Variants in TTC28 observed in about 807,000 individuals in gnomAD.
TTC28 encodes tetratricopeptide repeat domain 28.
A neutral mutation model predicts 198.0 loss-of-function variants in TTC28; 61 were observed. The observed-to-expected ratio is 0.31, with a 90% CI of 0.25 to 0.38. The LOEUF (loss-of-function observed/expected upper bound fraction) is 0.38, where lower values mean the gene tolerates loss of function less well. Ranked by LOEUF, TTC28 falls within the 10% of genes least tolerant of loss-of-function variation. The probability of loss-of-function intolerance (pLI) is 1.00; values close to 1 mark genes in which losing one functional copy is unlikely to be tolerated. For synonymous variants in TTC28, 1,171 were observed against 1,297.8 expected (o/e 0.90, Z 2.10); for missense variants, 2,678 against 3,164.0 (o/e 0.85, Z 3.69).
At chr22:28,548,461 T>C (rs1456803512) in intron 2 of TTC28, among the ~76,000 whole-genome samples, 1 of 152,090 alleles carries the variant, frequency 6.6e-6, no homozygotes, top group Non-Finnish European at 1.5e-5. Flanking sequence ...TTTTTTTTAA[T>C]CTAACATCAC....
intron 5 of TTC28, among the ~76,000 whole-genome samples, chr22:28,173,044 A>G (rs1037884985): frequency 6.6e-6 from 1 of 152,274 alleles, no homozygotes; most frequent in East Asian, 1.9e-4. Flanking sequence ...TATGATTGCA[A>G]GACGGCTAGG....
At chr22:28,579,066 G>A (rs1340512138) in intron 2 of TTC28, among the ~76,000 whole-genome samples, 2 of 150,542 alleles carry the variant, frequency 1.3e-5, no homozygotes, top group South Asian at 2.1e-4. Flanking sequence ...GTTTAGTTAC[G>A]TGTATATAGC....
At chr22:28,052,943 C>T (rs1168056373) in intron 12 of TTC28, among the ~76,000 whole-genome samples, 6 of 152,142 alleles carry the variant, frequency 3.9e-5, no homozygotes, top group Non-Finnish European at 5.9e-5. Context: ...TCCTGTGCGA[C>T]GTGAAAGGAC....
intron 2 of TTC28, among the ~76,000 whole-genome samples, chr22:28,564,779 C>T (rs1320378111): frequency 6.7e-6 from 1 of 150,060 alleles, no homozygotes; most frequent in Non-Finnish European, 1.5e-5. Context: ...TCTTACCTGG[C>T]CCCACCTCTG....
chr22:28,493,921 T>C (rs766919326), intron 2 of TTC28, among the ~76,000 whole-genome samples: 5 of 152,186 alleles, frequency 3.3e-5, no homozygotes, highest in South Asian at 2.1e-4. Context: ...AAAGATATTA[T>C]AAAATTTAAA....
chr22:28,038,853 G>T (rs1307403045), intron 12 of TTC28, among the ~76,000 whole-genome samples: 1 of 152,112 alleles, frequency 6.6e-6, no homozygotes, highest in Non-Finnish European at 1.5e-5. Flanking sequence ...TCAAAAAGTG[G>T]GCAAAGCATA....
rs981820411 is a variant in TTC28 at position 28,638,860 on chromosome 22, CTCGCTATA to C, written c.103-9038_103-9031del. ...ATACATTATTGGTAGAAGGGGAGGT[CTCGCTATA>C]TTGCCCAAGCAGGTCTCAAACTCCT... On this transcript the variant is annotated intron_variant, in intron 1 of 22. Transcript: ENST00000397906. Among the ~76,000 whole-genome samples the C allele has an allele frequency of 4.5e-4, 69 of 152,142 alleles. 1 individual carries two copies.
At chr22:28,270,168 G>T (rs1038285394) in intron 5 of TTC28, among the ~76,000 whole-genome samples, 1 of 152,088 alleles carries the variant, frequency 6.6e-6, no homozygotes, top group African/African-American at 2.4e-5. Flanking sequence ...ATCAATGCAC[G>T]TAAGGTATGT....
intron 2 of TTC28, among the ~76,000 whole-genome samples, chr22:28,412,704 T>C (rs543281182): frequency 4.6e-5 from 7 of 152,348 alleles, no homozygotes; most frequent in African/African-American, 1.4e-4. Flanking sequence ...GTACTGTTCT[T>C]ACGTTCATTT....
chr22:28,227,052 G>C (rs1928398409), intron 5 of TTC28, among the ~76,000 whole-genome samples: 1 of 152,084 alleles, frequency 6.6e-6, no homozygotes. Flanking sequence ...AGGTTCTCAA[G>C]TAGCTGGGAC....
chr22:28,117,556 G>A (rs1396186784), intron 6 of TTC28, among the ~76,000 whole-genome samples: 1 of 152,004 alleles, frequency 6.6e-6, no homozygotes, highest in Non-Finnish European at 1.5e-5. Context: ...ACAAAAACCT[G>A]TAAACTTGAA....
chr22:28,061,734 GT>G (rs1178679444), intron 12 of TTC28, among the ~76,000 whole-genome samples: 3 of 152,174 alleles, frequency 2.0e-5, no homozygotes, highest in Non-Finnish European at 4.4e-5. Flanking sequence ...CTTTAAAGTA[GT>G]TTTTTCCAAT....
intron 5 of TTC28, among the ~76,000 whole-genome samples, chr22:28,193,312 G>A (rs1800484596): frequency 6.6e-6 from 1 of 152,154 alleles, no homozygotes. Context: ...GGAACAACCG[G>A]TACCAACCAC....
At chr22:28,027,528 C>G (rs1177223937) in intron 13 of TTC28, among the ~76,000 whole-genome samples, 1 of 152,176 alleles carries the variant, frequency 6.6e-6, no homozygotes, top group Non-Finnish European at 1.5e-5. Flanking sequence ...CACCAAGGAA[C>G]AAAGGGGCCA....
chr22:28,261,363 A>G (rs747387039), intron 5 of TTC28, among the ~76,000 whole-genome samples: 8 of 152,166 alleles, frequency 5.3e-5, no homozygotes, highest in African/African-American at 4.8e-5. Flanking sequence ...TATCAGCAAC[A>G]GGGTGATCCC....
chr22:28,591,068 T>C (rs182803083), intron 2 of TTC28, among the ~76,000 whole-genome samples: 3 of 125,710 alleles, frequency 2.4e-5, no homozygotes, highest in South Asian at 2.4e-4. Context: ...TATATATATA[T>C]ATATATATAT....
chr22:28,417,410 G>A (rs1308931602), intron 2 of TTC28, among the ~76,000 whole-genome samples: 1 of 149,066 alleles, frequency 6.7e-6, no homozygotes, highest in Non-Finnish European at 1.5e-5. Flanking sequence ...GGGAGTTCAA[G>A]ACTACAGTGA....
chr22:28,380,785 A>T (rs1053584087), intron 2 of TTC28, among the ~76,000 whole-genome samples: 1 of 152,132 alleles, frequency 6.6e-6, no homozygotes, highest in Non-Finnish European at 1.5e-5. Context: ...ATTATCTGAT[A>T]ATCTATTTAA....
rs149740746 is a variant in TTC28, at chr22:28,029,876, G to A, written c.4073+350C>T. On this transcript the variant is annotated intron_variant, in intron 13 of 22. Coordinates refer to ENST00000397906, the MANE Select transcript of TTC28 (RefSeq NM_001145418.2). ...GTACCTGGCCCAGGAGTTACCTGCA[G>A]AAGCTGGCAAAGAAGTATGTGAAGT... Among the ~76,000 whole-genome samples the A allele has an allele frequency of 2.6e-3, 400 of 152,334 alleles. 1 individual carries two copies. The highest frequency in any genetic ancestry group is 2.7e-3 in the Non-Finnish European group (184 of 68,016).
Sources: gnomAD v4.1 joint callset for allele counts (sites outside exome capture counted in the v4.1 genomes callset) on GRCh38, gnomAD v4.1.1 for gene constraint, MANE v1.5 for transcripts, NCBI Gene and HGNC (gene_info 2026-07-23, HGNC 2026-07-21) for gene names.